The following SORCS2 variants were observed in gnomAD, a reference collection of about 807,000 sequenced individuals.
SORCS2 encodes sortilin related VPS10 domain containing receptor 2.
Under a neutral mutation model 141.6 loss-of-function variants are expected in SORCS2, and 100 were observed. The observed-to-expected ratio is 0.71, with a 90% CI of 0.60 to 0.83. SORCS2 has a LOEUF of 0.83. SORCS2 is among the 40% of genes least tolerant of loss of function. SORCS2 has a pLI of 0.00. For missense variants in SORCS2, 1,646 were observed against 1,560.2 expected (o/e 1.05, Z -0.93); for synonymous variants, 789 against 676.9 (o/e 1.17, Z -2.57).
chr4:7,638,765 G>A (rs1720440006), intron 4 of SORCS2, among the ~76,000 whole-genome samples: 1 of 152,320 alleles, frequency 6.6e-6, no homozygotes, highest in African/African-American at 2.4e-5. Flanking sequence ...AGAGGAACCA[G>A]TGAGTAGCAG....
At chr4:7,732,262 T>G (rs1711748879) in intron 23 of SORCS2, among the ~76,000 whole-genome samples, 1 of 152,130 alleles carries the variant, frequency 6.6e-6, no homozygotes, top group South Asian at 2.1e-4. Flanking sequence ...CTCACACCTG[T>G]TAGAATGGCT....
chr4:7,644,661 C>G (rs546227183), intron 4 of SORCS2, among the ~76,000 whole-genome samples: 1 of 152,324 alleles, frequency 6.6e-6, no homozygotes, highest in South Asian at 2.1e-4. Flanking sequence ...CGAAGCACCT[C>G]CAGAAACCAT....
At chr4:7,312,390 G>T (rs1372279564) in intron 1 of SORCS2, among the ~76,000 whole-genome samples, 1 of 152,204 alleles carries the variant, frequency 6.6e-6, no homozygotes, top group Non-Finnish European at 1.5e-5. Context: ...AAGCTGGGAT[G>T]CCCCTCATGG....
chr4:7,465,856 A>C (rs1014211647), intron 2 of SORCS2, among the ~76,000 whole-genome samples: 1 of 152,146 alleles, frequency 6.6e-6, no homozygotes, highest in Admixed American at 6.5e-5. Context: ...ACAGGAGTAA[A>C]CCATGATGAC....
At chr4:7,650,115 C>T (rs994389604) in intron 4 of SORCS2, among the ~76,000 whole-genome samples, 1 of 152,178 alleles carries the variant, frequency 6.6e-6, no homozygotes, top group Non-Finnish European at 1.5e-5. Context: ...AGATGCTGAT[C>T]ACAGAAGAAA....
intron 1 of SORCS2, 130 bp from the exon 2 acceptor site, chr4:7,396,158 C>T (rs976840612): frequency 2.6e-6 from 2 of 758,260 alleles, no homozygotes; most frequent in African/African-American, 1.8e-5. Context: ...GGGATACTGA[C>T]TAAGAGAGGC....
At chr4:7,497,818 T>C (rs1053157526) in intron 2 of SORCS2, among the ~76,000 whole-genome samples, 3 of 152,268 alleles carry the variant, frequency 2.0e-5, no homozygotes, top group East Asian at 3.8e-4. Flanking sequence ...ACTGTCCCCT[T>C]TCCAGAAAAT....
At chr4:7,701,448 G>A (rs1725077328) in intron 12 of SORCS2, among the ~76,000 whole-genome samples, 1 of 152,208 alleles carries the variant, frequency 6.6e-6, no homozygotes, top group Non-Finnish European at 1.5e-5. Context: ...CTGGGGAAGG[G>A]CTTTGCAGGG....
At position 7,664,730 on chromosome 4, in the gene SORCS2, G is replaced by C. The variant is rs1047256913; in HGVS notation, c.1071+259G>C. ...CCACCACGAACCTCCCAGCCACTCG[G>C]GGTCCCCAAACCTAAGCCCATTTAG... On this transcript the variant is annotated intron_variant, in intron 7 of 26. Coordinates refer to ENST00000507866, the MANE Select transcript of SORCS2 (RefSeq NM_020777.3). This position sits in a 1 kb window ranked among gnomAD's most constrained non-coding sequence, Gnocchi z 4.7. Among the ~76,000 whole-genome samples the C allele has an allele frequency of 1.3e-5, 2 of 152,124 alleles. No homozygotes were observed. The highest frequency in any genetic ancestry group is 2.4e-5 in the African/African-American group (1 of 41,428).
At chr4:7,514,462 C>A (rs1351557406) in intron 2 of SORCS2, among the ~76,000 whole-genome samples, 2 of 151,424 alleles carry the variant, frequency 1.3e-5, no homozygotes, top group African/African-American at 4.9e-5. Flanking sequence ...AAAATCCAGG[C>A]CTGTTGTCAG....
chr4:7,202,143 C>T (rs562397760), intron 1 of SORCS2, among the ~76,000 whole-genome samples: 2 of 152,200 alleles, frequency 1.3e-5, no homozygotes, highest in Non-Finnish European at 2.9e-5. Flanking sequence ...CTGACCTGCT[C>T]TGCAAGGCTG....
intron 2 of SORCS2, among the ~76,000 whole-genome samples, chr4:7,531,241 G>T (rs1711612704): frequency 6.6e-6 from 1 of 152,224 alleles, no homozygotes; most frequent in East Asian, 1.9e-4. Flanking sequence ...AGGAGGCATG[G>T]GGGAGGAATG....
chr4:7,456,631 G>A (rs1294153172), intron 2 of SORCS2, among the ~76,000 whole-genome samples: 1 of 152,214 alleles, frequency 6.6e-6, no homozygotes. Context: ...CCACCTGGGA[G>A]AGAGGGTAAC....
At chr4:7,475,044 G>T (rs1374512538) in intron 2 of SORCS2, among the ~76,000 whole-genome samples, 1 of 152,148 alleles carries the variant, frequency 6.6e-6, no homozygotes, top group Non-Finnish European at 1.5e-5. Flanking sequence ...GGCCCACTCT[G>T]GCCTCCTCTT....
chr4:7,271,793 C>T (rs141145053), intron 1 of SORCS2, among the ~76,000 whole-genome samples: 50 of 152,350 alleles, frequency 3.3e-4, no homozygotes, highest in African/African-American at 1.2e-3. Context: ...TGGAGAAGAG[C>T]TGCAAGTACG....
Position 7,447,643 on chromosome 4 carries a change from C to G in SORCS2, c.548+51288C>G, listed in dbSNP as rs561317894. Among the ~76,000 whole-genome samples the G allele has an allele frequency of 3.7e-4, 56 of 152,246 alleles. 1 individual carries two copies. The South Asian group carries it at 0.011, about 30-fold the overall frequency. ...ATCCATGCATTGGGACTGTGGACCT[C>G]AAAACTTGGCTGCCAGAGCACGGGG... On this transcript the variant is annotated intron_variant, in intron 2 of 26. Coordinates refer to ENST00000507866, the MANE Select transcript of SORCS2 (RefSeq NM_020777.3).
Position 7,302,769 on chromosome 4 carries a change from ATGTG to A in SORCS2, c.481-93502_481-93499del, listed in dbSNP as rs138338129. 1.2e-3 allele frequency among the ~76,000 whole-genome samples: 180 copies of A among 145,916 alleles called. 2 individuals are homozygous for A. The highest frequency in any genetic ancestry group is 4.3e-3 in the African/African-American group (169 of 39,626). On this transcript the variant is annotated intron_variant, in intron 1 of 26. Transcript: ENST00000507866. ...CCGGCATCTAGTAGACAGTCCACAT[ATGTG>A]TGTGTGTGTGTGTGTGCGCGCGCGT... is the stretch of plus-strand genomic sequence containing the variant.
At chr4:7,462,876 C>A (rs775405518) in intron 2 of SORCS2, among the ~76,000 whole-genome samples, 11 of 150,596 alleles carry the variant, frequency 7.3e-5, no homozygotes, top group Admixed American at 6.0e-4. Flanking sequence ...TATCATTTCC[C>A]AGTGAGTTCC....
rs2148874970 is a variant in SORCS2, at chr4:7,723,597, C to T, written c.2425-100C>T. 3 of 1,329,802 alleles carry T rather than the reference C, an allele frequency of 2.3e-6. No individual in the cohort carries two copies. In the South Asian group the frequency reaches 3.6e-5, roughly 16 times the overall value. 82.4% of individuals were successfully genotyped at this position (1,329,802 alleles called of 1,614,324 possible). A position where few individuals can be genotyped will look rare whatever the true frequency, so the allele number is the denominator to read the frequency against. The stretch of plus-strand genomic sequence containing the variant: ...ACTCATGTCAAGGAAGGGAGGGCGG[C>T]AATGAATGAATGAGTGAGTGAGTGA... On this transcript the variant is annotated intron_variant, in intron 18 of 26. Coordinates refer to ENST00000507866, the MANE Select transcript of SORCS2 (RefSeq NM_020777.3).
Sources: gnomAD v4.1 joint callset for allele counts (sites outside exome capture counted in the v4.1 genomes callset) on GRCh38, gnomAD v4.1.1 for gene constraint, Gnocchi (gnomAD v3.1) non-coding constraint, MANE v1.5 for transcripts, NCBI Gene and HGNC (gene_info 2026-07-23, HGNC 2026-07-21) for gene names.